OTUD7A: variants seen among roughly 807,000 people sequenced by gnomAD.
OTUD7A encodes OTU deubiquitinase 7A.
A neutral mutation model predicts 65.7 loss-of-function variants in OTUD7A; 12 were observed. That is an observed-to-expected ratio of 0.18 (90% CI 0.12 to 0.30). The LOEUF (loss-of-function observed/expected upper bound fraction) is 0.30. OTUD7A is among the 10% of genes least tolerant of loss of function. The pLI is 1.00. For missense variants in OTUD7A, 1,148 were observed against 1,304.8 expected, an observed-to-expected ratio of 0.88 and a Z score of 1.85; for synonymous variants, 641 against 586.3, an observed-to-expected ratio of 1.09 and a Z score of -1.35.
At chr15:31,824,121 G>A (rs1196347584) in intron 1 of OTUD7A, among the ~76,000 whole-genome samples, 2 of 152,234 alleles carry the variant, frequency 1.3e-5, no homozygotes, top group Non-Finnish European at 2.9e-5. Flanking sequence ...TAGAGCACCA[G>A]CAAAGCAGGG....
Position 31,484,029 on chromosome 15 carries a change from AGCGGCGGCC to A in OTUD7A, c.2058_2066del (p.Ala694_Ala696del). On this transcript the variant is annotated inframe_deletion, in exon 13 of 13. Transcript: ENST00000307050. The surrounding 1 kb of genome is among the most constrained non-coding windows in gnomAD (Gnocchi z 4.5). ...CCGTGGCGGCGGCGGCGGCGGCGGC[AGCGGCGGCC>A]GCAGTAGCGGCGTCGCGGCGCCGCT... The A allele has an allele frequency of 4.3e-6, 5 of 1,169,176 alleles. No homozygotes were observed. Among genetic ancestry groups the A allele is most frequent in the African/African-American group, 1.7e-5 (1 of 59,686 alleles). The allele number at this position is 1,169,176 out of a possible 1,614,324, so 72.4% of individuals were successfully genotyped here. A position where few individuals can be genotyped will look rare whatever the true frequency, so the allele number is the denominator to read the frequency against.
At chr15:31,866,256 T>C (rs567894215) in intron 1 of OTUD7A, among the ~76,000 whole-genome samples, 42 of 152,356 alleles carry the variant, frequency 2.8e-4, no homozygotes, top group Non-Finnish European at 5.4e-4. Flanking sequence ...AAGAGGAACC[T>C]AGAGCACGAC....
rs772574742 is a variant in OTUD7A at position 31,808,136 on chromosome 15, C to CACACACACACACAAAAAA, written c.-100+62370_-100+62371insTTTTTTGTGTGTGTGTGT. On this transcript the variant is annotated intron_variant, in intron 1 of 12. Coordinates refer to ENST00000307050, the MANE Select transcript of OTUD7A (RefSeq NM_001382637.1). ...ACACACACACACACACACACACACACAAACAAATCCTCACCAGGTTTTTCC... is the reference window on the plus strand; with the variant it reads ...ACACACACACACACACACACACACACACACACACACACAAAAAAAAACAAATCCTCACCAGGTTTTTCC... Among the ~76,000 whole-genome samples the CACACACACACACAAAAAA allele has an allele frequency of 6.8e-3, 809 of 119,288 alleles. 8 individuals carry two copies. Among genetic ancestry groups the CACACACACACACAAAAAA allele is most frequent in the East Asian group, 0.023 (95 of 4,222 alleles). The allele number at this position is 119,288 out of a possible 152,430, so 78.3% of individuals were successfully genotyped here.
At chr15:31,693,755 T>C (rs906460827) in intron 1 of OTUD7A, among the ~76,000 whole-genome samples, 2 of 152,028 alleles carry the variant, frequency 1.3e-5, no homozygotes, top group African/African-American at 4.8e-5. Context: ...AGCCCCTTGG[T>C]GTCACTGAAG....
intron 1 of OTUD7A, among the ~76,000 whole-genome samples, chr15:31,821,040 C>T (rs1251083515): frequency 6.6e-6 from 1 of 151,808 alleles, no homozygotes; most frequent in Non-Finnish European, 1.5e-5. Context: ...TATATAAATG[C>T]AATCATATAA....
chr15:31,643,078 T>C (rs7172593), intron 3 of OTUD7A, among the ~76,000 whole-genome samples: 43,502 of 151,896 alleles, frequency 0.29, 7,362 homozygotes, highest in African/African-American at 0.47. Context: ...ATGCCTCTCC[T>C]TCAAGGATTC....
chr15:31,625,315 G>A (rs542182734), intron 3 of OTUD7A, among the ~76,000 whole-genome samples: 5 of 151,946 alleles, frequency 3.3e-5, no homozygotes, highest in Non-Finnish European at 7.4e-5. Context: ...ATATATGATG[G>A]TTATCTTAGG....
intron 3 of OTUD7A, among the ~76,000 whole-genome samples, chr15:31,623,763 C>T (rs1195974189): frequency 6.6e-6 from 1 of 152,212 alleles, no homozygotes; most frequent in East Asian, 1.9e-4. Flanking sequence ...GTGCGCTGCA[C>T]CCACTGTCCT....
At chr15:31,569,190 C>A (rs1425417622) in intron 4 of OTUD7A, among the ~76,000 whole-genome samples, 1 of 152,166 alleles carries the variant, frequency 6.6e-6, no homozygotes, top group African/African-American at 2.4e-5. Context: ...TCTGGGAATG[C>A]AAACCCATAG....
At chr15:31,854,763 T>G (rs148177666) in intron 1 of OTUD7A, among the ~76,000 whole-genome samples, 3 of 151,780 alleles carry the variant, frequency 2.0e-5, no homozygotes, top group Non-Finnish European at 4.4e-5. Flanking sequence ...GGGATTAGGA[T>G]ACTGACATCT....
intron 4 of OTUD7A, among the ~76,000 whole-genome samples, chr15:31,564,097 A>G (rs1036672540): frequency 8.6e-5 from 11 of 127,674 alleles, no homozygotes; most frequent in African/African-American, 3.1e-4. Flanking sequence ...AAGACAAAGA[A>G]TTAACTTGGG....
intron 3 of OTUD7A, among the ~76,000 whole-genome samples, chr15:31,577,704 A>T (rs1014453446): frequency 1.3e-5 from 2 of 151,920 alleles, no homozygotes; most frequent in African/African-American, 2.4e-5. Flanking sequence ...CGTCTCAAAA[A>T]ATATATATAT....
intron 1 of OTUD7A, among the ~76,000 whole-genome samples, chr15:31,695,729 C>A (rs1220009186): frequency 2.0e-5 from 3 of 152,108 alleles, no homozygotes; most frequent in African/African-American, 7.2e-5. Flanking sequence ...TGCAGAGCAG[C>A]CCCCGTCCAA....
chr15:31,667,071 T>G (rs1267013444), intron 1 of OTUD7A, among the ~76,000 whole-genome samples: 1 of 152,218 alleles, frequency 6.6e-6, no homozygotes, highest in Non-Finnish European at 1.5e-5. Context: ...TTGGAGAAAC[T>G]TCCATGTGCT....
intron 8 of OTUD7A, among the ~76,000 whole-genome samples, chr15:31,521,670 C>T (rs1374233202): frequency 6.6e-6 from 1 of 152,150 alleles, no homozygotes; most frequent in Non-Finnish European, 1.5e-5. Context: ...TAGGAAATCA[C>T]TTGGGATTCT....
At position 31,484,977 on chromosome 15, in the gene OTUD7A, G is replaced by C. The variant is rs1275987923; in HGVS notation, c.1372-253C>G. 6.6e-6 allele frequency among the ~76,000 whole-genome samples: 1 copy of C among 152,212 alleles called. No homozygotes were observed. The highest frequency in any genetic ancestry group is 1.5e-5 in the Non-Finnish European group (1 of 68,038). Reference sequence around the variant, plus strand: ...CTTAACTGCGTGTGTCTTCTGGCCAGGGAAGCTGGGGTGTACTCATTCTTT... The same window carrying C: ...CTTAACTGCGTGTGTCTTCTGGCCACGGAAGCTGGGGTGTACTCATTCTTT... On this transcript the variant is annotated intron_variant, in intron 12 of 12. Coordinates refer to ENST00000307050, the MANE Select transcript of OTUD7A (RefSeq NM_001382637.1). This position sits in a 1 kb window ranked among gnomAD's most constrained non-coding sequence, Gnocchi z 4.5.
intron 8 of OTUD7A, among the ~76,000 whole-genome samples, chr15:31,521,790 G>A (rs1252178310): frequency 2.6e-5 from 4 of 152,182 alleles, no homozygotes; most frequent in Non-Finnish European, 2.9e-5. Flanking sequence ...TGTGAGAAAA[G>A]TAAGGACCTA....
intron 1 of OTUD7A, among the ~76,000 whole-genome samples, chr15:31,840,288 A>C (rs1405502153): frequency 6.6e-6 from 1 of 151,670 alleles, no homozygotes; most frequent in East Asian, 1.9e-4. Flanking sequence ...AAATAAATAA[A>C]TTAGCTGGGT....
At position 31,779,342 on chromosome 15, in the gene OTUD7A, T is replaced by A. The variant is rs1895475188; in HGVS notation, c.-100+91165A>T. On this transcript the variant is annotated intron_variant, in intron 1 of 12. Coordinates refer to ENST00000307050, the MANE Select transcript of OTUD7A (RefSeq NM_001382637.1). ...ATCTGAAAAGTACGCTTCACTGATA[T>A]AAACTTTCACTGGAAGGCATCCAGG... Among the ~76,000 whole-genome samples, 3 of 152,232 alleles carry A rather than the reference T, an allele frequency of 2.0e-5. No homozygotes were observed. In the South Asian group the frequency reaches 6.2e-4, roughly 32 times the overall value.
Sources: gnomAD v4.1 joint callset for allele counts (sites outside exome capture counted in the v4.1 genomes callset) on GRCh38, gnomAD v4.1.1 for gene constraint, Gnocchi (gnomAD v3.1) non-coding constraint, MANE v1.5 for transcripts, NCBI Gene and HGNC (gene_info 2026-07-23, HGNC 2026-07-21) for gene names.